Variants in PIP5K1C observed in about 807,000 individuals in gnomAD.
PIP5K1C encodes phosphatidylinositol 4-phosphate 5-kinase type-1 gamma.
A neutral mutation model predicts 80.1 loss-of-function variants in PIP5K1C; 45 were observed. The ratio of observed to expected loss-of-function variants is 0.56; its 90% CI spans 0.44 to 0.72. The LOEUF is 0.72. Ranked by LOEUF, PIP5K1C falls within the 30% of genes least tolerant of loss-of-function variation. The pLI, the probability that PIP5K1C is intolerant of heterozygous loss-of-function variation, is 0.00. For synonymous variants in PIP5K1C, 498 were observed against 420.1 expected (o/e 1.19, Z -2.27); for missense variants, 753 against 954.6 (o/e 0.79, Z 2.78).
intron 6 of PIP5K1C, among the ~76,000 whole-genome samples, chr19:3,654,304 G>A (rs1307558872): frequency 1.3e-5 from 2 of 152,238 alleles, no homozygotes; most frequent in Non-Finnish European, 2.9e-5. Flanking sequence ...GGGCACCCAA[G>A]TGAAGCAACA....
At chr19:3,694,326 C>T (rs2036037175) in intron 1 of PIP5K1C, among the ~76,000 whole-genome samples, 1 of 152,212 alleles carries the variant, frequency 6.6e-6, no homozygotes, top group Admixed American at 6.5e-5. Context: ...CCACCCTGCC[C>T]AGGCTCCCGG....
chr19:3,677,945 AGGGAG>A (rs2145559083), intron 1 of PIP5K1C, among the ~76,000 whole-genome samples: 1 of 104,274 alleles, frequency 9.6e-6, no homozygotes, highest in African/African-American at 3.8e-5. Context: ...GGAGGGATGG[AGGGAG>A]GGATGGATGG....
chr19:3,647,135 G>A (rs1273081816), intron 10 of PIP5K1C, among the ~76,000 whole-genome samples: 1 of 129,186 alleles, frequency 7.7e-6, no homozygotes, highest in African/African-American at 3.1e-5. Context: ...CACTCACAGA[G>A]GAGGGATGGG....
intron 1 of PIP5K1C, among the ~76,000 whole-genome samples, chr19:3,677,556 C>T (rs2035398620): frequency 6.6e-6 from 1 of 151,436 alleles, no homozygotes; most frequent in South Asian, 2.1e-4. Flanking sequence ...GCACTCCAGC[C>T]TGGGCAACAG....
intron 1 of PIP5K1C, among the ~76,000 whole-genome samples, chr19:3,679,068 G>C (rs1467355227): frequency 6.6e-6 from 1 of 151,950 alleles, no homozygotes; most frequent in South Asian, 2.1e-4. Flanking sequence ...GTAAGTCGTG[G>C]GTCTACTGCC....
rs1186829450 is a variant in PIP5K1C at position 3,633,280 on chromosome 19, C to T, written c.2005-111G>A. Reference sequence around the variant, plus strand: ...CACAGGCCCTGAGACACTTAGCCCACGGCCACCTCAGAGCCAGAGAGCCCA... The same window carrying T: ...CACAGGCCCTGAGACACTTAGCCCATGGCCACCTCAGAGCCAGAGAGCCCA... On this transcript the variant is annotated intron_variant, in intron 17 of 17. Transcript: ENST00000335312. 60 of 675,136 alleles carry T rather than the reference C, an allele frequency of 8.9e-5. 1 individual carries two copies. The highest frequency in any genetic ancestry group is 7.1e-4 in the South Asian group (41 of 57,936). 41.8% of individuals were successfully genotyped at this position (675,136 alleles called of 1,614,324 possible).
chr19:3,656,300 C>T (rs1043676504), intron 6 of PIP5K1C, 105 bp downstream of exon 6: 2 of 1,327,574 alleles, frequency 1.5e-6, no homozygotes, highest in Non-Finnish European at 2.1e-6. Flanking sequence ...TCTCACCACG[C>T]CCCAAGGATG....
intron 2 of PIP5K1C, among the ~76,000 whole-genome samples, chr19:3,666,056 C>T (rs2034996876): frequency 1.3e-5 from 2 of 152,174 alleles, no homozygotes; most frequent in African/African-American, 4.8e-5. Context: ...GGAATTCACC[C>T]CGCCACCCGG....
intron 1 of PIP5K1C, among the ~76,000 whole-genome samples, chr19:3,700,030 G>A (rs1313217812): frequency 6.6e-6 from 1 of 152,172 alleles, no homozygotes; most frequent in Non-Finnish European, 1.5e-5. Flanking sequence ...AGCGGGTCAG[G>A]CAGAACGGGG....
intron 1 of PIP5K1C, among the ~76,000 whole-genome samples, chr19:3,675,373 GTC>G (rs2035326548): frequency 6.6e-6 from 1 of 152,146 alleles, no homozygotes; most frequent in Non-Finnish European, 1.5e-5. Context: ...CAGTTTGCTT[GTC>G]TCTAAAGGAG....
At chr19:3,639,701 A>G (rs745535387) in intron 15 of PIP5K1C, among the ~76,000 whole-genome samples, 2 of 151,424 alleles carry the variant, frequency 1.3e-5, no homozygotes, top group Non-Finnish European at 2.9e-5. Flanking sequence ...TTTAGGAGGG[A>G]TCACAGACGG....
chr19:3,683,263 G>A (rs989308645), intron 1 of PIP5K1C, among the ~76,000 whole-genome samples: 3 of 152,212 alleles, frequency 2.0e-5, no homozygotes, highest in African/African-American at 7.2e-5. Flanking sequence ...TGGCACGTGG[G>A]TAAGGCTGCC....
rs1051576870 is a variant in PIP5K1C at position 3,696,596 on chromosome 19, G to A, written c.94+3701C>T. 2.0e-5 allele frequency among the ~76,000 whole-genome samples: 3 copies of A among 151,294 alleles called. No homozygotes were observed. Among genetic ancestry groups the A allele is most frequent in the Non-Finnish European group, 3.0e-5 (2 of 67,770 alleles). On this transcript the variant is annotated intron_variant, in intron 1 of 17. Coordinates refer to ENST00000335312, the MANE Select transcript of PIP5K1C (RefSeq NM_012398.3). The surrounding 1 kb of genome is among the most constrained non-coding windows in gnomAD (Gnocchi z 4.1). ...AGCAAAGGACACAGATGGGAGGAGGGGCATTCCGGGGTGGGGGTGGGGGGC... is the reference window on the plus strand; with the variant it reads ...AGCAAAGGACACAGATGGGAGGAGGAGCATTCCGGGGTGGGGGTGGGGGGC...
chr19:3,648,833 C>A lies in PIP5K1C; in HGVS notation c.1128-125G>T, dbSNP rs188111663. 5.3e-6 allele frequency: 4 copies of A among 753,904 alleles called. No individual in the cohort carries two copies. Among genetic ancestry groups the A allele is most frequent in the East Asian group, 5.4e-5 (2 of 37,372 alleles). The allele number at this position is 753,904 out of a possible 1,614,324, so 46.7% of individuals were successfully genotyped here. A position where few individuals can be genotyped will look rare whatever the true frequency, so the allele number is the denominator to read the frequency against. On this transcript the variant is annotated intron_variant, in intron 8 of 17. Transcript: ENST00000335312. This position sits in a 1 kb window ranked among gnomAD's most constrained non-coding sequence, Gnocchi z 4.3. The stretch of plus-strand genomic sequence containing the variant: ...GTGGGTGGCAACTTGGCCAAGCTCT[C>A]GGAGTGGGGCCTGGCACCCGGGAAC...
rs752058443 is a variant in PIP5K1C at position 3,653,368 on chromosome 19, C to A, written c.843G>T (p.Met281Ile). ...SFPTYKDLDFMQDMPEGLLLD... is the reference protein window; with the variant it reads ...SFPTYKDLDFIQDMPEGLLLD... ...GCAGGAGCCCCTCGGGCATGTCCTG[C>A]ATGAAGTCCAGGTCCTTGTAGGTGG... The change falls in exon 7 of 18, where the codon ATG becomes ATT. Residue 281 changes from methionine to isoleucine, a missense_variant. Met to Ile is a conservative substitution (Grantham distance 10). Around this residue, in one of 6 missense-constraint regions of PIP5K1C, gnomAD observed 105 missense variants for 133.4 expected, o/e 0.79. Transcript: ENST00000335312. The A allele has an allele frequency of 6.2e-7, 1 of 1,612,536 alleles. No homozygotes were observed. The highest frequency in any genetic ancestry group is 8.5e-7 in the Non-Finnish European group (1 of 1,180,034).
intron 3 of PIP5K1C, 130 bp from the exon 4 acceptor site, chr19:3,662,131 GTGGTCCCCGGGGC>G: frequency 8.6e-7 from 1 of 1,160,994 alleles, no homozygotes; most frequent in Non-Finnish European, 1.2e-6. Context: ...CCCCCTCCTG[GTGGTCCCCGGGGC>G]TGCCTGTCCT....
intron 1 of PIP5K1C, among the ~76,000 whole-genome samples, chr19:3,669,457 C>T (rs1043026919): frequency 1.3e-5 from 2 of 152,148 alleles, no homozygotes; most frequent in African/African-American, 4.8e-5. Context: ...AGACGGGGGC[C>T]GTCAGGGGTG....
intron 15 of PIP5K1C, among the ~76,000 whole-genome samples, chr19:3,640,106 C>T (rs879521806): frequency 6.6e-6 from 1 of 152,294 alleles, no homozygotes; most frequent in South Asian, 2.1e-4. Context: ...GCTAAAAAAG[C>T]TCTCTTGGAA....
At chr19:3,671,933 T>C (rs1182120647) in intron 1 of PIP5K1C, among the ~76,000 whole-genome samples, 1 of 152,338 alleles carries the variant, frequency 6.6e-6, no homozygotes, top group African/African-American at 2.4e-5. Context: ...GTTTTAAAAA[T>C]AGTCGGGGGA....
Sources: gnomAD v4.1 joint callset for allele counts (sites outside exome capture counted in the v4.1 genomes callset) on GRCh38, gnomAD v4.1.1 for gene constraint, gnomAD v4.1.1 regional missense constraint, Gnocchi (gnomAD v3.1) non-coding constraint, MANE v1.5 for transcripts, NCBI Gene and HGNC (gene_info 2026-07-23, HGNC 2026-07-21) for gene names.